GALNT13: variants seen among roughly 807,000 people sequenced by gnomAD.
GALNT13 encodes the protein polypeptide N-acetylgalactosaminyltransferase 13, also known as UDP-GalNAc:polypeptide N-acetylgalactosaminyltransferase 13.
Under a neutral mutation model 64.2 loss-of-function variants are expected in GALNT13, and 28 were observed. The ratio of observed to expected loss-of-function variants is 0.44; its 90% CI spans 0.32 to 0.60. GALNT13 has a LOEUF of 0.60. Among genes scored for constraint, GALNT13 ranks in the 20% least tolerant of loss-of-function variants. The pLI is 0.05. For missense variants in GALNT13, 577 were observed against 669.8 expected (o/e 0.86, Z 1.53); for synonymous variants, 214 against 224.6 (o/e 0.95, Z 0.42).
the GALNT13 span, among the ~76,000 whole-genome samples, chr2:153,318,801 A>G: frequency 6.6e-6 from 1 of 152,228 alleles, no homozygotes; most frequent in Non-Finnish European, 1.5e-5. Context: ...GAATATCTAG[A>G]AATCATTTTG....
At chr2:153,772,915 T>C in the GALNT13 span, among the ~76,000 whole-genome samples, 1 of 152,290 alleles carries the variant, frequency 6.6e-6, no homozygotes, top group African/African-American at 2.4e-5. Context: ...TGCTCTGATT[T>C]TAGGTGAGAC....
chr2:154,252,806 A>AAGAGG (rs1690158763), intron 7 of GALNT13, among the ~76,000 whole-genome samples: 2 of 152,060 alleles, frequency 1.3e-5, no homozygotes, highest in Non-Finnish European at 2.9e-5. Context: ...GAGAGGAGAG[A>AAGAGG]AGAGGAGAGG....
chr2:154,092,754 T>A (rs1701880216), intron 3 of GALNT13, among the ~76,000 whole-genome samples: 1 of 151,980 alleles, frequency 6.6e-6, no homozygotes. Flanking sequence ...TGATGTGAGA[T>A]CAGGTGAAGG....
chr2:154,028,096 T>C (rs1017380073), intron 3 of GALNT13, among the ~76,000 whole-genome samples: 2 of 152,156 alleles, frequency 1.3e-5, no homozygotes, highest in African/African-American at 4.8e-5. Context: ...TTTTCAGTAA[T>C]GCTGAACCTA....
At chr2:154,111,676 C>T (rs548608526) in intron 3 of GALNT13, among the ~76,000 whole-genome samples, 3 of 152,248 alleles carry the variant, frequency 2.0e-5, no homozygotes, top group South Asian at 4.1e-4. Flanking sequence ...CCACTTCCAC[C>T]CCTTGATTCC....
the GALNT13 span, among the ~76,000 whole-genome samples, chr2:153,251,652 G>A: frequency 8.0e-6 from 1 of 124,770 alleles, no homozygotes; most frequent in Non-Finnish European, 1.6e-5. Flanking sequence ...CCCAGAGTGT[G>A]ATGTTCCCCT....
the GALNT13 span, among the ~76,000 whole-genome samples, chr2:153,821,612 G>A: frequency 2.9e-4 from 44 of 152,166 alleles, no homozygotes; most frequent in African/African-American, 9.6e-4. Flanking sequence ...AATTATAAAT[G>A]CTAAATGCCT....
chr2:153,859,970 T>C, the GALNT13 span, among the ~76,000 whole-genome samples: 5 of 152,186 alleles, frequency 3.3e-5, no homozygotes, highest in African/African-American at 1.2e-4. Context: ...CTCTTTTCAT[T>C]GGTACTAATA....
Position 154,081,640 on chromosome 2 carries a change from G to A in GALNT13, c.143-58697G>A, listed in dbSNP as rs541026670. Reference sequence around the variant, plus strand: ...ACTTGTATCCTCACCCAAATTATACGCATTTATACCATAGCGCAATATATT... The same window carrying A: ...ACTTGTATCCTCACCCAAATTATACACATTTATACCATAGCGCAATATATT... On this transcript the variant is annotated intron_variant, in intron 3 of 12. Coordinates refer to ENST00000392825, the MANE Select transcript of GALNT13 (RefSeq NM_052917.4). Among the ~76,000 whole-genome samples, 26 of 151,652 alleles carry A rather than the reference G, an allele frequency of 1.7e-4. 1 individual carries two copies. The South Asian group carries it at 3.3e-3, about 19-fold the overall frequency.
chr2:153,534,994 G>A, the GALNT13 span, among the ~76,000 whole-genome samples: 1 of 152,088 alleles, frequency 6.6e-6, no homozygotes, highest in Non-Finnish European at 1.5e-5. Flanking sequence ...TAGTGTTGAA[G>A]TGTTGAAGTG....
chr2:153,858,250 C>T, the GALNT13 span, among the ~76,000 whole-genome samples: 3 of 152,036 alleles, frequency 2.0e-5, no homozygotes, highest in African/African-American at 7.2e-5. Context: ...CAAGTAGGCC[C>T]CAATGATTTG....
intron 11 of GALNT13, among the ~76,000 whole-genome samples, chr2:154,429,832 T>C (rs1437327736): frequency 6.6e-6 from 1 of 152,190 alleles, no homozygotes; most frequent in Admixed American, 6.5e-5. Flanking sequence ...TGTTCATTTA[T>C]TTACCATTCC....
chr2:154,141,319 T>C (rs2105582264), intron 4 of GALNT13, among the ~76,000 whole-genome samples: 1 of 152,322 alleles, frequency 6.6e-6, no homozygotes, highest in South Asian at 2.1e-4. Context: ...ATTACTGTGA[T>C]ATTTTTACTT....
the GALNT13 span, among the ~76,000 whole-genome samples, chr2:153,193,373 A>C: frequency 6.8e-6 from 1 of 146,924 alleles, no homozygotes; most frequent in Non-Finnish European, 1.5e-5. Flanking sequence ...GCATATTCTC[A>C]CTCATAGGTG....
the GALNT13 span, among the ~76,000 whole-genome samples, chr2:153,719,890 T>A: frequency 6.6e-6 from 1 of 151,880 alleles, no homozygotes; most frequent in African/African-American, 2.4e-5. Context: ...GGGGAGGGGC[T>A]CCCGCCATTG....
chr2:153,145,331 T>C, the GALNT13 span, among the ~76,000 whole-genome samples: 1 of 151,946 alleles, frequency 6.6e-6, no homozygotes, highest in African/African-American at 2.4e-5. Context: ...AATACTATAA[T>C]GCCGAAAAAG....
At chr2:154,432,578 T>A (rs562817322) in intron 11 of GALNT13, among the ~76,000 whole-genome samples, 1 of 152,234 alleles carries the variant, frequency 6.6e-6, no homozygotes, top group Non-Finnish European at 1.5e-5. Context: ...AATCAAGGTG[T>A]CAGAAGTGCC....
the GALNT13 span, among the ~76,000 whole-genome samples, chr2:153,316,567 A>G: frequency 6.9e-6 from 1 of 144,108 alleles, no homozygotes. Context: ...CTTGAACCAG[A>G]CAGTCGGAGT....
chr2:154,080,573 A>G (rs1701221969), intron 3 of GALNT13, among the ~76,000 whole-genome samples: 1 of 151,656 alleles, frequency 6.6e-6, no homozygotes, highest in Middle Eastern at 3.4e-3. Flanking sequence ...CAAGGTGACA[A>G]GTGGAAGAGC....
Sources: allele counts gnomAD v4.1 joint callset (sites outside exome capture counted in the v4.1 genomes callset), GRCh38; gene constraint gnomAD v4.1.1; transcripts MANE v1.5; gene names NCBI Gene and HGNC (gene_info 2026-07-23, HGNC 2026-07-21).